The following RPAP1 variants were observed in gnomAD, a reference collection of about 807,000 sequenced individuals.
The protein encoded by RPAP1 is RNA polymerase II associated protein 1, also known as RNA polymerase II-associated protein 1.
A neutral mutation model predicts 142.4 loss-of-function variants in RPAP1; 109 were observed. The observed-to-expected ratio is 0.77, with a 90% CI of 0.66 to 0.90. RPAP1 has a LOEUF of 0.90. Ranked by LOEUF, RPAP1 falls within the 40% of genes least tolerant of loss-of-function variation. RPAP1 has a pLI of 0.00. For missense variants in RPAP1, 1,546 were observed against 1,751.7 expected, an observed-to-expected ratio of 0.88 and a Z score of 2.10; for synonymous variants, 704 against 738.9, an observed-to-expected ratio of 0.95 and a Z score of 0.77.
At chr15:41,538,615 A>T (rs2051938898) in intron 1 of RPAP1, among the ~76,000 whole-genome samples, 2 of 152,184 alleles carry the variant, frequency 1.3e-5, no homozygotes, top group South Asian at 4.1e-4. Context: ...ATATACTGTA[A>T]ATTTATGTAC....
At position 41,536,498 on chromosome 15, in the gene RPAP1, C is replaced by G. The variant is rs764351022; in HGVS notation, c.330+3G>C. The G allele has an allele frequency of 2.5e-6, 4 of 1,614,010 alleles. No homozygotes were observed. Among genetic ancestry groups the G allele is most frequent in the Admixed American group, 3.3e-5 (2 of 59,970 alleles). The stretch of plus-strand genomic sequence containing the variant: ...TATCCTACTCAGCCAGAGTGAGACG[C>G]ACAATAATCTTAGTCAAGACAGCAG... On this transcript the variant is annotated splice_donor_region_variant and intron_variant, in intron 3 of 24. Transcript: ENST00000304330.
intron 22 of RPAP1, among the ~76,000 whole-genome samples, chr15:41,519,295 C>T (rs1006513861): frequency 7.9e-5 from 12 of 152,022 alleles, no homozygotes; most frequent in African/African-American, 2.9e-4. Flanking sequence ...GCAACCTCTG[C>T]CTCCTGGGTT....
chr15:41,521,977 G>A, intron 20 of RPAP1, 97 bp from the exon 21 acceptor site: 1 of 1,555,780 alleles, frequency 6.4e-7, no homozygotes, highest in Non-Finnish European at 8.8e-7. Context: ...AAGGGCAGAG[G>A]TCCAGGGCAT....
chr15:41,522,039 A>C, intron 20 of RPAP1, 59 bp downstream of exon 20: 1 of 1,594,884 alleles, frequency 6.3e-7, no homozygotes, highest in East Asian at 2.2e-5. Flanking sequence ...GCTGGGTTCC[A>C]CAGAAACAGG....
In RPAP1 at chr15:41,520,648, C is replaced by T. The variant is rs753497446; in HGVS notation, c.3538G>A (p.Ala1180Thr). The T allele has an allele frequency of 1.2e-6, 2 of 1,614,184 alleles. No individual in the cohort carries two copies. Among genetic ancestry groups the T allele is most frequent in the Non-Finnish European group, 1.7e-6 (2 of 1,180,030 alleles). Residue 1180 changes from alanine to threonine, a missense_variant, in exon 22 of 25, where the codon GCA (alanine) becomes ACA (threonine). Coordinates refer to ENST00000304330, the MANE Select transcript of RPAP1 (RefSeq NM_015540.4). ...FRESPVQHLV[A>T]ALLAQLCQPQ... The stretch of plus-strand genomic sequence containing the variant: ...TGACAGAGCTGGGCGAGGAGGGCTG[C>T]CACCAGATGCTGTACTGGGGACTCC...
rs1326078512 is a variant in RPAP1 at position 41,531,185 on chromosome 15, A to C, written c.781T>G (p.Phe261Val). ...LAQLDPSLVA[F>V]LRSHSHTQEQ... Reference sequence around the variant, plus strand: ...TGCGTGTGGCTGTGAGATCTCAAGAAAGCAACCAAGCTGGGGTCTAGAGGC... The same window carrying C: ...TGCGTGTGGCTGTGAGATCTCAAGACAGCAACCAAGCTGGGGTCTAGAGGC... The change falls in exon 7 of 25, where the codon TTC (phenylalanine) becomes GTC (valine). Residue 261 changes from phenylalanine to valine, a missense_variant. Coordinates refer to ENST00000304330, the MANE Select transcript of RPAP1 (RefSeq NM_015540.4). 1.9e-6 allele frequency: 3 copies of C among 1,611,860 alleles called. No individual in the cohort carries two copies. The highest frequency in any genetic ancestry group is 2.2e-5 in the South Asian group (2 of 91,012).
chr15:41,521,813 C>A lies in RPAP1; in HGVS notation c.2963G>T (p.Ser988Ile). 1 of 1,614,170 alleles carries A rather than the reference C, an allele frequency of 6.2e-7. No homozygotes were observed. Among genetic ancestry groups the A allele is most frequent in the Non-Finnish European group, 8.5e-7 (1 of 1,180,030 alleles). Residue 988 changes from serine (S) to isoleucine (I), a missense_variant, in exon 21 of 25, where the codon AGC (serine) becomes ATC (isoleucine). Ser to Ile is a moderately radical substitution (Grantham distance 142). Coordinates refer to ENST00000304330, the MANE Select transcript of RPAP1 (RefSeq NM_015540.4). ...GTACTCACTTCCGGGCAGCAGCCGG[C>A]TCAGCAGGGCCAAGGCCATACCATG... ...LYHGMALALL[S>I]RLLPGSEYLT...
At chr15:41,524,951 G>C (rs767723349) in intron 15 of RPAP1, 40 bp downstream of exon 15, 1 of 1,603,134 alleles carries the variant, frequency 6.2e-7, no homozygotes, top group Middle Eastern at 2.1e-4. Flanking sequence ...GAGCAGAACT[G>C]AAGGTGTCTA....
intron 6 of RPAP1, among the ~76,000 whole-genome samples, 196 bp from the exon 7 acceptor site, chr15:41,531,398 G>GGCCCACCT (rs537400042): frequency 2.6e-5 from 4 of 151,876 alleles, no homozygotes; most frequent in South Asian, 2.1e-4. Context: ...GGGGTCACTA[G>GGCCCACCT]GCCCACCTGC....
rs766641174 is a variant in RPAP1 at position 41,521,116 on chromosome 15, C to T, written c.3070G>A (p.Asp1024Asn). ...ERTSGGPEAA[D>N]FSDQLSLGSS... Reference sequence around the variant, plus strand: ...CCTAACGACAGCTGGTCAGAGAAGTCGGCTGCCTCTGGACCCCCTGATGTT... The same window carrying T: ...CCTAACGACAGCTGGTCAGAGAAGTTGGCTGCCTCTGGACCCCCTGATGTT... The change falls in exon 22 of 25, where the codon GAC (aspartate) becomes AAC (asparagine). Residue 1024 changes from aspartate (D) to asparagine (N), a missense_variant. This residue lies in a region of RPAP1 where 1,333 missense variants were observed against 1,486.6 expected (regional missense o/e 0.90). Transcript: ENST00000304330. 1.8e-5 allele frequency: 28 copies of T among 1,515,918 alleles called. No homozygotes were observed. Among genetic ancestry groups the T allele is most frequent in the Admixed American group, 6.8e-5 (3 of 44,332 alleles). 93.9% of individuals were successfully genotyped at this position (1,515,918 alleles called of 1,614,324 possible). A position where few individuals can be genotyped will look rare whatever the true frequency, so the allele number is the denominator to read the frequency against.
rs144550798 is a variant in RPAP1 at position 41,542,504 on chromosome 15, T to G, written c.-77+1715A>C. On this transcript the variant is annotated intron_variant, in intron 1 of 24. Coordinates refer to ENST00000304330, the MANE Select transcript of RPAP1 (RefSeq NM_015540.4). ...GTGAGCAAAGACCTGTCTACAAAAT[T>G]TCATCTTAAATTTGGCATAGAACTT... Among the ~76,000 whole-genome samples the G allele has an allele frequency of 4.2e-4, 64 of 152,306 alleles. 1 individual carries two copies. The highest frequency in any genetic ancestry group is 8.3e-4 in the South Asian group (4 of 4,826).
At chr15:41,536,841 T>C in intron 2 of RPAP1, 104 bp downstream of exon 2, 1 of 1,440,166 alleles carries the variant, frequency 6.9e-7, no homozygotes, top group Non-Finnish European at 9.5e-7. Flanking sequence ...CTATGCAGTG[T>C]CTGAAATAAT....
intron 14 of RPAP1, 47 bp downstream of exon 14, chr15:41,526,851 A>G: frequency 6.4e-7 from 1 of 1,553,026 alleles, no homozygotes; most frequent in East Asian, 2.3e-5. Flanking sequence ...TCCCAACCCA[A>G]CCCTGTCCCA....
rs765058349 is a variant in RPAP1 at position 41,534,772 on chromosome 15, C to T, written c.705G>A (p.Leu235=). 8.1e-6 allele frequency: 13 copies of T among 1,613,898 alleles called. No homozygotes were observed. Among genetic ancestry groups the T allele is most frequent in the Non-Finnish European group, 1.1e-5 (13 of 1,180,010 alleles). ...QTIHEENIAR[L]QAMAPEEILQ... ...GGATCTCCTCAGGAGCCATGGCCTG[C>T]AGTCTTGCTATGTTCTCTTCATGGA... The change falls in exon 6 of 25, where the codon CTG becomes CTA. Residue 235 remains leucine (L), a synonymous_variant. Coordinates refer to ENST00000304330, the MANE Select transcript of RPAP1 (RefSeq NM_015540.4).
chr15:41,536,106 C>T (rs763533160), intron 4 of RPAP1, 23 bp downstream of exon 4: 1 of 1,595,178 alleles, frequency 6.3e-7, no homozygotes, highest in Non-Finnish European at 8.6e-7. Context: ...TCCTGAGCAC[C>T]ACCTAAGCTT....
At chr15:41,541,573 T>C (rs11070337) in intron 1 of RPAP1, among the ~76,000 whole-genome samples, 12,638 of 151,960 alleles carry the variant, frequency 0.083, 816 homozygotes, top group East Asian at 0.35. Flanking sequence ...GAAGGCCGGG[T>C]GTGCTGGCTC....
In RPAP1 at chr15:41,523,948, C is replaced by T. The variant is rs372213286; in HGVS notation, c.2259G>A (p.Ser753=). 54 of 1,611,402 alleles carry T rather than the reference C, an allele frequency of 3.4e-5. No homozygotes were observed. Among genetic ancestry groups the T allele is most frequent in the Admixed American group, 6.7e-5 (4 of 59,728 alleles). ...TCCAAGTGACTAAGGAAGGGGTGGCCGAGAGGCTGGCCTCAGCAGAATCAC... is the reference window on the plus strand; with the variant it reads ...TCCAAGTGACTAAGGAAGGGGTGGCTGAGAGGCTGGCCTCAGCAGAATCAC... ...TISDSAEASL[S]ATPSLVTWTQ... is the part of the protein sequence containing the mutation. The change falls in exon 17 of 25, where the codon TCG becomes TCA. Residue 753 remains serine (S), a synonymous_variant. Coordinates refer to ENST00000304330, the MANE Select transcript of RPAP1 (RefSeq NM_015540.4).
intron 15 of RPAP1, among the ~76,000 whole-genome samples, chr15:41,524,676 A>G (rs2051770595): frequency 6.6e-6 from 1 of 151,990 alleles, no homozygotes; most frequent in African/African-American, 2.4e-5. Context: ...GGGTTTCACC[A>G]TATTGGCCAG....
intron 6 of RPAP1, 25 bp from the exon 7 acceptor site, chr15:41,531,227 G>A (rs1363486780): frequency 1.3e-6 from 2 of 1,592,684 alleles, no homozygotes; most frequent in African/African-American, 1.3e-5. Context: ...AGAGGGGAGA[G>A]TGAGTGAGGG....
Sources: allele counts gnomAD v4.1 joint callset (sites outside exome capture counted in the v4.1 genomes callset), GRCh38; gene constraint gnomAD v4.1.1; regional missense constraint gnomAD v4.1.1; transcripts MANE v1.5; gene names NCBI Gene and HGNC (gene_info 2026-07-23, HGNC 2026-07-21).